The following TRPM1 variants were observed in gnomAD, a reference collection of about 807,000 sequenced individuals.
The protein encoded by TRPM1 is TRPM1-203 APA Isoform, Intron 10.
Under a neutral mutation model 149.4 loss-of-function variants are expected in TRPM1, and 113 were observed. The observed-to-expected ratio is 0.76, with a 90% CI of 0.65 to 0.88. The LOEUF (loss-of-function observed/expected upper bound fraction) is 0.88, where lower values mean the gene tolerates loss of function less well. TRPM1 is among the 40% of genes least tolerant of loss of function. The pLI is 0.00. For synonymous variants in TRPM1, 741 were observed against 759.5 expected (o/e 0.98, Z 0.40); for missense variants, 1,976 against 2,038.7 (o/e 0.97, Z 0.59).
At chr15:31,006,648 T>C (rs896192990) in intron 27 of TRPM1, among the ~76,000 whole-genome samples, 1 of 152,250 alleles carries the variant, frequency 6.6e-6, no homozygotes, top group African/African-American at 2.4e-5. Context: ...TAGCCGAGAT[T>C]GCTGATTCAT....
chr15:31,062,057 CT>C (rs1013677818), intron 9 of TRPM1, among the ~76,000 whole-genome samples: 2 of 152,136 alleles, frequency 1.3e-5, no homozygotes, highest in Non-Finnish European at 2.9e-5. Context: ...TTCCCCATCC[CT>C]TCTGGCACCC....
intron 27 of TRPM1, among the ~76,000 whole-genome samples, chr15:31,021,193 C>T (rs553277704): frequency 8.5e-5 from 13 of 152,174 alleles, no homozygotes; most frequent in East Asian, 1.9e-4. Context: ...CCCATCACTG[C>T]GCATTTGCCG....
At chr15:31,090,739 G>A (rs752162314) in intron 1 of TRPM1, among the ~76,000 whole-genome samples, 6 of 151,876 alleles carry the variant, frequency 4.0e-5, no homozygotes, top group Non-Finnish European at 5.9e-5. Flanking sequence ...CCATTTCTTC[G>A]AGTTTAAGCT....
At chr15:31,089,506 G>A (rs543706401) in intron 1 of TRPM1, among the ~76,000 whole-genome samples, 1 of 152,238 alleles carries the variant, frequency 6.6e-6, no homozygotes, top group South Asian at 2.1e-4. Context: ...ACACTGGGGA[G>A]GCCTGTGTGC....
chr15:31,058,895 G>T (rs1045930341), intron 11 of TRPM1, among the ~76,000 whole-genome samples: 6 of 152,080 alleles, frequency 3.9e-5, no homozygotes, highest in African/African-American at 1.4e-4. Context: ...CAGCCTGGCC[G>T]ACATGGTGAA....
intron 1 of TRPM1, among the ~76,000 whole-genome samples, chr15:31,153,601 G>A (rs8033141): frequency 0.026 from 3,915 of 152,262 alleles, 179 homozygotes; most frequent in African/African-American, 0.09. Context: ...TGGGACTACA[G>A]GTGTGAGCCA....
chr15:31,040,199 G>A lies in TRPM1; in HGVS notation c.2235C>T (p.Phe745=). The A allele has an allele frequency of 1.2e-6, 2 of 1,614,200 alleles. No individual in the cohort carries two copies. The highest frequency in any genetic ancestry group is 1.7e-6 in the Non-Finnish European group (2 of 1,180,044). Reference sequence around the variant, plus strand: ...GCATCTGGCTGCAGGTGTGAGCAATGAAGTCCCGGTGTTTGGCTGCCACGG... The same window carrying A: ...GCATCTGGCTGCAGGTGTGAGCAATAAAGTCCCGGTGTTTGGCTGCCACGG... ...KLAVAAKHRD[F]IAHTCSQMLL... Residue 745 remains phenylalanine (F), a synonymous_variant, in exon 18 of 28, where the codon TTC becomes TTT. Transcript: ENST00000256552. This position sits in a 1 kb window ranked among gnomAD's most constrained non-coding sequence, Gnocchi z 4.2.
intron 2 of TRPM1, among the ~76,000 whole-genome samples, chr15:31,077,281 A>G (rs1241656747): frequency 6.6e-6 from 1 of 152,084 alleles, no homozygotes; most frequent in Admixed American, 6.5e-5. Flanking sequence ...AAGGAGATAA[A>G]CTGCAGTGCA....
chr15:31,040,244 G>C lies in TRPM1; in HGVS notation c.2190C>G (p.Asn730Lys), dbSNP rs1476752228. 6.2e-7 allele frequency: 1 copy of C among 1,614,218 alleles called. No individual in the cohort carries two copies. Residue 730 changes from asparagine to lysine, a missense_variant, in exon 18 of 28, where the codon AAC (asparagine) becomes AAG (lysine). Transcript: ENST00000256552. This position sits in a 1 kb window ranked among gnomAD's most constrained non-coding sequence, Gnocchi z 4.2. ...LLTYELKNWS[N>K]STCLKLAVAA... ...CCACGGCCAGTTTGAGGCAGGTCGA[G>C]TTGCTCCAGTTTTTCAGCTCGTAGG...
Position 31,002,195 on chromosome 15 carries a change from G to A in TRPM1, c.4505C>T (p.Ser1502Phe), listed in dbSNP as rs1177710201. 3.1e-6 allele frequency: 5 copies of A among 1,614,106 alleles called. No individual in the cohort carries two copies. In the East Asian group the frequency reaches 8.9e-5, roughly 29 times the overall value. The change falls in exon 28 of 28, where the codon TCT becomes TTT. Residue 1502 changes from serine (S) to phenylalanine (F), a missense_variant. Ser to Phe is a radical substitution (Grantham distance 155). Coordinates refer to ENST00000256552, the MANE Select transcript of TRPM1 (RefSeq NM_001252024.2). The part of the protein sequence containing the change: ...WQCQVQKITR[S>F]HSTDIPYIVS... ...AATGTAAGGAATATCTGTGCTATGA[G>A]AGCGCGTGATCTTTTGAACTTGGCA...
intron 1 of TRPM1, among the ~76,000 whole-genome samples, 154 bp from the exon 2 acceptor site, chr15:31,081,592 C>T (rs2140984358): frequency 6.6e-6 from 1 of 152,234 alleles, no homozygotes; most frequent in Non-Finnish European, 1.5e-5. Flanking sequence ...ACCCCAACCC[C>T]TGCGCTCTGT....
At chr15:31,071,272 G>T (rs1428288413) in intron 3 of TRPM1, among the ~76,000 whole-genome samples, 3 of 152,200 alleles carry the variant, frequency 2.0e-5, no homozygotes, top group Non-Finnish European at 4.4e-5. Flanking sequence ...AAGGCATGGA[G>T]GGAGGTCTGT....
intron 1 of TRPM1, among the ~76,000 whole-genome samples, chr15:31,132,713 G>A (rs1287538643): frequency 6.6e-6 from 1 of 152,124 alleles, no homozygotes; most frequent in African/African-American, 2.4e-5. Flanking sequence ...ATCTTAAATT[G>A]TAGCTCCCAT....
intron 16 of TRPM1, 22 bp downstream of exon 16, chr15:31,046,182 G>T (rs1343375550): frequency 6.2e-7 from 1 of 1,611,298 alleles, no homozygotes; most frequent in African/African-American, 1.3e-5. Context: ...TTATAAAACT[G>T]TTGAAAACAA....
chr15:31,087,412 C>G (rs952286202), intron 1 of TRPM1, among the ~76,000 whole-genome samples: 1 of 151,332 alleles, frequency 6.6e-6, no homozygotes, highest in Non-Finnish European at 1.5e-5. Flanking sequence ...TCACCACGCC[C>G]CGCTAATTTT....
chr15:31,069,681 T>C (rs1299734640), intron 4 of TRPM1: 1 of 1,416,312 alleles, frequency 7.1e-7, no homozygotes, highest in Non-Finnish European at 9.2e-7. Context: ...TCTCAACACA[T>C]CTAAGGGGGC....
In TRPM1 at chr15:31,027,018, T is replaced by C. The variant is rs1363032731; in HGVS notation, c.3393A>G (p.Pro1131=). Residue 1131 remains proline, a synonymous_variant, in exon 26 of 28, where the codon CCA becomes CCG. Coordinates refer to ENST00000256552, the MANE Select transcript of TRPM1 (RefSeq NM_001252024.2). ...MTFHDRPVLP[P]PMIILSHIYI... is the part of the protein sequence containing the mutation. ...AGATGTGGCTTAAAATGATCATCGG[T>C]GGGGGCAGGACTGGCCTGTCATGAA... 1.2e-6 allele frequency: 2 copies of C among 1,614,148 alleles called. No homozygotes were observed. The highest frequency in any genetic ancestry group is 2.2e-5 in the South Asian group (2 of 91,078).
intron 1 of TRPM1, among the ~76,000 whole-genome samples, chr15:31,113,290 T>C (rs761879876): frequency 1.3e-5 from 2 of 152,178 alleles, no homozygotes; most frequent in Non-Finnish European, 2.9e-5. Context: ...TGCTCCTCCC[T>C]AACTCTCCAG....
chr15:31,002,412 C>G lies in TRPM1; in HGVS notation c.4288G>C (p.Glu1430Gln). 1 of 1,614,220 alleles carries G rather than the reference C, an allele frequency of 6.2e-7. No individual in the cohort carries two copies. The highest frequency in any genetic ancestry group is 8.5e-7 in the Non-Finnish European group (1 of 1,180,040). ...TQLTVETTNIEGTISYPLEET... is the reference protein window; with the variant it reads ...TQLTVETTNIQGTISYPLEET... ...TCCAGGGGATAGGAAATAGTGCCTTCTATATTTGTCGTTTCCACTGTTAGC... is the reference window on the plus strand; with the variant it reads ...TCCAGGGGATAGGAAATAGTGCCTTGTATATTTGTCGTTTCCACTGTTAGC... The change falls in exon 28 of 28, where the codon GAA becomes CAA. Residue 1430 changes from glutamate (E) to glutamine (Q), a missense_variant. Physicochemically the swap from Glu to Gln is conservative, Grantham distance 29 (BLOSUM62 2). Around this residue, in one of 3 missense-constraint regions of TRPM1, gnomAD observed 572 missense variants for 578.9 expected, o/e 0.99. Transcript: ENST00000256552.
Sources: allele counts gnomAD v4.1 joint callset (sites outside exome capture counted in the v4.1 genomes callset), GRCh38; gene constraint gnomAD v4.1.1; regional missense constraint gnomAD v4.1.1; non-coding constraint Gnocchi (gnomAD v3.1); transcripts MANE v1.5; gene names NCBI Gene and HGNC (gene_info 2026-07-23, HGNC 2026-07-21).